EXOC6B: variants seen among roughly 807,000 people sequenced by gnomAD.
The protein encoded by EXOC6B is SEC15 homolog B.
In EXOC6B, 54 loss-of-function variants were observed where a neutral mutation model predicts 113.5. The observed-to-expected ratio is 0.48, with a 90% CI of 0.38 to 0.60. EXOC6B has a LOEUF of 0.60. Ranked by LOEUF, EXOC6B falls within the 20% of genes least tolerant of loss-of-function variation. The pLI, the probability that EXOC6B is intolerant of heterozygous loss-of-function variation, is 0.00. For synonymous variants in EXOC6B, 357 were observed against 339.0 expected (o/e 1.05, Z -0.58); for missense variants, 797 against 977.5 (o/e 0.82, Z 2.46).
chr2:72,719,947 A>G (rs544595873), intron 5 of EXOC6B, among the ~76,000 whole-genome samples: 192 of 152,294 alleles, frequency 1.3e-3, no homozygotes, highest in African/African-American at 4.3e-3. Context: ...TGATTATAAC[A>G]CTGTATCATT....
intron 19 of EXOC6B, among the ~76,000 whole-genome samples, chr2:72,371,419 T>C (rs1322599856): frequency 2.6e-5 from 4 of 152,146 alleles, no homozygotes; most frequent in Admixed American, 6.6e-5. Context: ...CTGATGAATA[T>C]TGACATAAAA....
At chr2:72,276,847 G>C (rs1684833517) in intron 20 of EXOC6B, among the ~76,000 whole-genome samples, 1 of 152,046 alleles carries the variant, frequency 6.6e-6, no homozygotes, top group African/African-American at 2.4e-5. Flanking sequence ...AGTAGTATGG[G>C]ACCTTACCTC....
intron 20 of EXOC6B, among the ~76,000 whole-genome samples, chr2:72,218,963 A>G (rs373478725): frequency 2.4e-5 from 2 of 84,860 alleles, no homozygotes; most frequent in African/African-American, 4.9e-5. Flanking sequence ...GCTATTTCTT[A>G]AAAAAAAAAA....
intron 1 of EXOC6B, among the ~76,000 whole-genome samples, chr2:72,762,282 G>A (rs919200148): frequency 1.3e-5 from 2 of 151,310 alleles, no homozygotes; most frequent in African/African-American, 4.8e-5. Context: ...GAAAAAACCT[G>A]TGTATAAAGT....
intron 6 of EXOC6B, among the ~76,000 whole-genome samples, chr2:72,578,314 T>G (rs1270527152): frequency 6.6e-6 from 1 of 152,088 alleles, no homozygotes; most frequent in Non-Finnish European, 1.5e-5. Flanking sequence ...AACTTCATAA[T>G]CTAACACTTA....
chr2:72,237,780 T>C (rs944123596), intron 20 of EXOC6B, among the ~76,000 whole-genome samples: 3 of 152,158 alleles, frequency 2.0e-5, no homozygotes, highest in East Asian at 3.9e-4. Context: ...GAGTGATCCT[T>C]GGAGGCTGCT....
chr2:72,463,589 G>A (rs1328488490), intron 18 of EXOC6B: 1 of 152,128 alleles, frequency 6.6e-6, no homozygotes, highest in Non-Finnish European at 1.5e-5. Context: ...ACAGACTAGA[G>A]TGCCACAGTT....
intron 6 of EXOC6B, among the ~76,000 whole-genome samples, chr2:72,672,617 C>T (rs1162546778): frequency 6.6e-6 from 1 of 151,068 alleles, no homozygotes; most frequent in Non-Finnish European, 1.5e-5. Context: ...CAATGGAATA[C>T]TACTCATCCA....
chr2:72,454,937 AATGTACTCT>A (rs1697126614), intron 18 of EXOC6B, among the ~76,000 whole-genome samples: 1 of 152,188 alleles, frequency 6.6e-6, no homozygotes, highest in Non-Finnish European at 1.5e-5. Flanking sequence ...TTTTTATTTC[AATGTACTCT>A]ATGTAGCTCA....
chr2:72,778,997 T>G (rs891322403), intron 1 of EXOC6B, among the ~76,000 whole-genome samples: 1 of 152,100 alleles, frequency 6.6e-6, no homozygotes, highest in East Asian at 1.9e-4. Context: ...ATAGTATGTA[T>G]AGTATAACAT....
At chr2:72,605,586 T>C (rs1210610240) in intron 6 of EXOC6B, among the ~76,000 whole-genome samples, 1 of 152,192 alleles carries the variant, frequency 6.6e-6, no homozygotes. Context: ...ATCATTGTAA[T>C]AAGAAGAAAC....
chr2:72,755,187 T>C (rs1256903985), intron 1 of EXOC6B, among the ~76,000 whole-genome samples: 1 of 152,146 alleles, frequency 6.6e-6, no homozygotes, highest in African/African-American at 2.4e-5. Context: ...GCCTCAAAGT[T>C]CTTGAACAAA....
At chr2:72,422,122 G>A (rs1348786521) in intron 18 of EXOC6B, among the ~76,000 whole-genome samples, 2 of 152,186 alleles carry the variant, frequency 1.3e-5, no homozygotes, top group Non-Finnish European at 2.9e-5. Context: ...CACTCCATGG[G>A]CCCCGTGCGG....
chr2:72,609,935 T>C lies in EXOC6B; in HGVS notation c.670-34267A>G, dbSNP rs151031210. ...TGAATACAACTAACATCAGAAACAATGAAATCAGTAGACAATAAAATGACA... is the reference window on the plus strand; with the variant it reads ...TGAATACAACTAACATCAGAAACAACGAAATCAGTAGACAATAAAATGACA... On this transcript the variant is annotated intron_variant, in intron 6 of 21. Transcript: ENST00000272427. 1.4e-3 allele frequency among the ~76,000 whole-genome samples: 217 copies of C among 152,002 alleles called. 1 individual carries two copies. The highest frequency in any genetic ancestry group is 5.1e-3 in the African/African-American group (213 of 41,464).
intron 8 of EXOC6B, among the ~76,000 whole-genome samples, chr2:72,551,046 T>C (rs1703193613): frequency 6.6e-6 from 1 of 151,944 alleles, no homozygotes; most frequent in African/African-American, 2.4e-5. Flanking sequence ...TTAGGCACTA[T>C]TTATTCAATT....
At chr2:72,671,334 A>T (rs1296723998) in intron 6 of EXOC6B, among the ~76,000 whole-genome samples, 1 of 152,196 alleles carries the variant, frequency 6.6e-6, no homozygotes, top group African/African-American at 2.4e-5. Flanking sequence ...AATCTCATTT[A>T]AAAATGGGCA....
At chr2:72,273,345 C>T (rs2104637151) in intron 20 of EXOC6B, among the ~76,000 whole-genome samples, 1 of 152,168 alleles carries the variant, frequency 6.6e-6, no homozygotes, top group Middle Eastern at 3.4e-3. Flanking sequence ...ATTAATTGAA[C>T]AGTTGTTGTG....
In EXOC6B at chr2:72,539,763, C is replaced by CGT. The variant is rs937926097; in HGVS notation, c.915+19688_915+19689dup. ...GTGTGTGTGTGTGCGCGCGCGCGCG[C>CGT]GTGTGTGTAGTCTGCATATATGACT... On this transcript the variant is annotated intron_variant, in intron 8 of 21. Transcript: ENST00000272427. Among the ~76,000 whole-genome samples, 670 of 151,702 alleles carry CGT rather than the reference C, an allele frequency of 4.4e-3. 2 individuals carry two copies. Among genetic ancestry groups the CGT allele is most frequent in the African/African-American group, 0.015 (619 of 41,218 alleles).
At chr2:72,193,351 C>T (rs1678972230) in intron 20 of EXOC6B, among the ~76,000 whole-genome samples, 1 of 152,184 alleles carries the variant, frequency 6.6e-6, no homozygotes, top group African/African-American at 2.4e-5. Context: ...TCCTCCAACT[C>T]CCTGTCTCTG....
Sources: allele counts gnomAD v4.1 joint callset (sites outside exome capture counted in the v4.1 genomes callset), GRCh38; gene constraint gnomAD v4.1.1; transcripts MANE v1.5; gene names NCBI Gene and HGNC (gene_info 2026-07-23, HGNC 2026-07-21).